SEC24B: variants seen among roughly 807,000 people sequenced by gnomAD.
SEC24B encodes SEC24 homolog B, COPII component.
SEC24B carries 45 observed loss-of-function variants against 142.8 expected under a neutral mutation model. That is an observed-to-expected ratio of 0.32 (90% CI 0.25 to 0.40). The LOEUF is 0.40. Ranked by LOEUF, SEC24B falls within the 10% of genes least tolerant of loss-of-function variation. The pLI is 1.00. For synonymous variants in SEC24B, 574 were observed against 568.2 expected (o/e 1.01, Z -0.15); for missense variants, 1,409 against 1,526.8 (o/e 0.92, Z 1.29).
At position 109,520,262 on chromosome 4, in the gene SEC24B, C is replaced by T. The variant is rs17040498; in HGVS notation, c.2127-104C>T. On this transcript the variant is annotated intron_variant, in intron 11 of 23. Coordinates refer to ENST00000265175, the MANE Select transcript of SEC24B (RefSeq NM_006323.5). ...AATTTTTCTGTCCCCTGTAGAAAAG[C>T]ATATGTGTAATTATCCTTGGACTTA... 26,328 of 715,486 alleles carry T rather than the reference C, an allele frequency of 0.037. 4,723 individuals are homozygous for T. The African/African-American group carries it at 0.4, about 11-fold the overall frequency. 44.3% of individuals were successfully genotyped at this position (715,486 alleles called of 1,614,324 possible). A position where few individuals can be genotyped will look rare whatever the true frequency, so the allele number is the denominator to read the frequency against.
chr4:109,438,558 G>C (rs1019938925), intron 1 of SEC24B, among the ~76,000 whole-genome samples: 2 of 152,188 alleles, frequency 1.3e-5, no homozygotes, highest in African/African-American at 4.8e-5. Context: ...TTCCCAAAGT[G>C]CTGGGATTAC....
At position 109,463,477 on chromosome 4, in the gene SEC24B, C is replaced by T; in HGVS notation, c.710C>T (p.Pro237Leu). The T allele has an allele frequency of 6.2e-7, 1 of 1,614,192 alleles. No homozygotes were observed. The highest frequency in any genetic ancestry group is 1.3e-5 in the African/African-American group (1 of 75,026). ...FSGQNTAISH[P>L]SPLPPLPSQQ... is the part of the protein sequence containing the mutation. ...GGTCAAAATACAGCTATCAGCCATCCATCGCCACTTCCACCTCTACCATCA... is the reference window on the plus strand; with the variant it reads ...GGTCAAAATACAGCTATCAGCCATCTATCGCCACTTCCACCTCTACCATCA... Residue 237 changes from proline to leucine, a missense_variant, in exon 2 of 24, where the codon CCA (proline) becomes CTA (leucine). Physicochemically the swap from Pro to Leu is moderately conservative, Grantham distance 98 (BLOSUM62 -3). Coordinates refer to ENST00000265175, the MANE Select transcript of SEC24B (RefSeq NM_006323.5).
At chr4:109,532,332 T>TAA (rs537284338) in intron 20 of SEC24B, among the ~76,000 whole-genome samples, 5 of 147,946 alleles carry the variant, frequency 3.4e-5, no homozygotes, top group Admixed American at 1.4e-4. Context: ...CAAAGAAATG[T>TAA]AAAAAAAAAA....
At chr4:109,533,835 CAGAACATTTCT>C in intron 22 of SEC24B, 150 bp downstream of exon 22, 1 of 622,486 alleles carries the variant, frequency 1.6e-6, no homozygotes, top group Non-Finnish European at 2.8e-6. Context: ...TATTTAGTTT[CAGAACATTTCT>C]TATCACCCTA....
intron 1 of SEC24B, among the ~76,000 whole-genome samples, chr4:109,457,334 A>G (rs1055755314): frequency 6.6e-6 from 1 of 152,236 alleles, no homozygotes; most frequent in Non-Finnish European, 1.5e-5. Flanking sequence ...TTGTGCTACT[A>G]TGACAGAATG....
chr4:109,480,886 AT>A (rs976114131), intron 3 of SEC24B, among the ~76,000 whole-genome samples: 2 of 152,264 alleles, frequency 1.3e-5, no homozygotes, highest in East Asian at 1.9e-4. Context: ...ACCCAATTAC[AT>A]TTTTTTAAGG....
At chr4:109,480,351 AG>A (rs1733611600) in intron 3 of SEC24B, among the ~76,000 whole-genome samples, 1 of 152,110 alleles carries the variant, frequency 6.6e-6, no homozygotes, top group Non-Finnish European at 1.5e-5. Flanking sequence ...CCCCAATATT[AG>A]GAAATGTTCT....
chr4:109,463,396 T>C lies in SEC24B; in HGVS notation c.629T>C (p.Met210Thr), dbSNP rs1189475653. ...SLPAGDTYGQ[M>T]FTSQNAPTVR... ...CCTGCTGGTGATACATATGGGCAAA[T>C]GTTTACCTCACAGAATGCTCCGACT... The change falls in exon 2 of 24, where the codon ATG (methionine) becomes ACG (threonine). Residue 210 changes from methionine to threonine, a missense_variant. This residue lies in a region of SEC24B where 709 missense variants were observed against 673.5 expected (regional missense o/e 1.05). Coordinates refer to ENST00000265175, the MANE Select transcript of SEC24B (RefSeq NM_006323.5). 1 of 1,614,218 alleles carries C rather than the reference T, an allele frequency of 6.2e-7. No individual in the cohort carries two copies. Among genetic ancestry groups the C allele is most frequent in the Admixed American group, 1.7e-5 (1 of 60,026 alleles).
In SEC24B at chr4:109,463,103, A is replaced by G. The variant is rs753438037; in HGVS notation, c.336A>G (p.Gly112=). The change falls in exon 2 of 24, where the codon GGA becomes GGG. Residue 112 remains glycine (G), a synonymous_variant. Coordinates refer to ENST00000265175, the MANE Select transcript of SEC24B (RefSeq NM_006323.5). ...VTPNTVNQQP[G]AQQLYSRGPP... ...CTAACACAGTGAACCAGCAACCAGG[A>G]GCACAGCAGTTGTACAGCAGGGGTC... 15 of 1,614,192 alleles carry G rather than the reference A, an allele frequency of 9.3e-6. 1 individual carries two copies. In the South Asian group the frequency reaches 1.5e-4, roughly 17 times the overall value.
intron 22 of SEC24B, among the ~76,000 whole-genome samples, chr4:109,536,764 T>C (rs924226126): frequency 7.9e-5 from 12 of 151,960 alleles, no homozygotes; most frequent in East Asian, 3.9e-4. Flanking sequence ...CTCCTGACTT[T>C]GTGATCCCCC....
At position 109,473,555 on chromosome 4, in the gene SEC24B, A is replaced by C. The variant is rs74756245; in HGVS notation, c.1060+369A>C. Among the ~76,000 whole-genome samples the C allele has an allele frequency of 8.5e-5, 13 of 152,292 alleles. No individual in the cohort carries two copies. The South Asian group carries it at 2.5e-3, about 29-fold the overall frequency. Reference sequence around the variant, plus strand: ...ATTATTTAGTGACTCTCCATATCCTATTTGATTATTTCTGTGCTTTTTGTT... The same window carrying C: ...ATTATTTAGTGACTCTCCATATCCTCTTTGATTATTTCTGTGCTTTTTGTT... On this transcript the variant is annotated intron_variant, in intron 3 of 23. Coordinates refer to ENST00000265175, the MANE Select transcript of SEC24B (RefSeq NM_006323.5).
chr4:109,494,507 C>G, intron 5 of SEC24B, 108 bp from the exon 6 acceptor site: 1 of 1,436,330 alleles, frequency 7.0e-7, no homozygotes, highest in South Asian at 1.3e-5. Context: ...GAATAAAAAG[C>G]TTTAAAAAGT....
At chr4:109,524,777 A>G (rs143482369) in intron 14 of SEC24B, 41 bp from the exon 15 acceptor site, 2 of 1,565,080 alleles carry the variant, frequency 1.3e-6, no homozygotes, top group African/African-American at 1.4e-5. Context: ...AAATATGAGC[A>G]TAAAGATTGC....
At chr4:109,491,516 G>A in intron 5 of SEC24B, 109 bp downstream of exon 5, 4 of 760,146 alleles carry the variant, frequency 5.3e-6, no homozygotes, top group Admixed American at 2.6e-5. Context: ...TTTTTAACAA[G>A]AAAAAAAGGA....
chr4:109,451,968 A>G lies in SEC24B; in HGVS notation c.134-10933A>G, dbSNP rs141574216. ...TTTAAAGAAAATTTACCTATAGTAT[A>G]TTTCCTTTCATTCTTTGTAGAGTAC... is the stretch of plus-strand genomic sequence containing the variant. On this transcript the variant is annotated intron_variant, in intron 1 of 23. Transcript: ENST00000265175. Among the ~76,000 whole-genome samples the G allele has an allele frequency of 1.5e-3, 221 of 151,498 alleles. 2 individuals are homozygous for G. The highest frequency in any genetic ancestry group is 7.1e-4 in the Non-Finnish European group (48 of 67,894).
chr4:109,523,351 T>G (rs1048733797), intron 14 of SEC24B, among the ~76,000 whole-genome samples: 5 of 151,914 alleles, frequency 3.3e-5, no homozygotes, highest in Non-Finnish European at 4.4e-5. Context: ...AAGCCTGTAA[T>G]CCCAGCTACT....
In SEC24B at chr4:109,539,930, T is replaced by A; in HGVS notation, c.*255T>A. The A allele has an allele frequency of 2.3e-6, 1 of 429,138 alleles. No homozygotes were observed. The highest frequency in any genetic ancestry group is 4.1e-6 in the Non-Finnish European group (1 of 241,442). 26.6% of individuals were successfully genotyped at this position (429,138 alleles called of 1,614,324 possible). Reference sequence around the variant, plus strand: ...TGGTTTCTACACATTTCCAGTAGTATGGCAGTACAGTGCTCTGTTCATTGC... The same window carrying A: ...TGGTTTCTACACATTTCCAGTAGTAAGGCAGTACAGTGCTCTGTTCATTGC... On this transcript the variant is annotated 3_prime_UTR_variant, in exon 24 of 24. Coordinates refer to ENST00000265175, the MANE Select transcript of SEC24B (RefSeq NM_006323.5).
chr4:109,486,521 C>T (rs1169085653), intron 4 of SEC24B, among the ~76,000 whole-genome samples: 2 of 152,136 alleles, frequency 1.3e-5, no homozygotes, highest in African/African-American at 2.4e-5. Context: ...ATTTCAGCTC[C>T]CTCTCTTTTT....
intron 4 of SEC24B, among the ~76,000 whole-genome samples, chr4:109,482,942 A>ATG (rs1733887859): frequency 3.1e-5 from 1 of 32,364 alleles, no homozygotes; most frequent in African/African-American, 2.0e-4. Context: ...TGTACTATAT[A>ATG]TATATATATA....
Sources: allele counts gnomAD v4.1 joint callset (sites outside exome capture counted in the v4.1 genomes callset), GRCh38; gene constraint gnomAD v4.1.1; regional missense constraint gnomAD v4.1.1; transcripts MANE v1.5; gene names NCBI Gene and HGNC (gene_info 2026-07-23, HGNC 2026-07-21).